CNKSR3: variants seen among roughly 807,000 people sequenced by gnomAD.
CNKSR3 encodes connector enhancer of kinase suppressor of ras 3.
Under a neutral mutation model 67.7 loss-of-function variants are expected in CNKSR3, and 36 were observed. The observed-to-expected ratio is 0.53, with a 90% CI of 0.41 to 0.70. CNKSR3 has a LOEUF of 0.70. CNKSR3 is among the 30% of genes least tolerant of loss of function. The pLI is 0.00. For synonymous variants in CNKSR3, 281 were observed against 271.4 expected (o/e 1.04, Z -0.35); for missense variants, 630 against 695.2 (o/e 0.91, Z 1.05).
At chr6:154,502,358 A>T (rs995733389) in intron 1 of CNKSR3, among the ~76,000 whole-genome samples, 150 of 141,324 alleles carry the variant, frequency 1.1e-3, no homozygotes, top group Non-Finnish European at 1.1e-3. Context: ...TGCCCAGCTA[A>T]TTTTTTTTTT....
intron 1 of CNKSR3, among the ~76,000 whole-genome samples, chr6:154,478,172 G>A (rs79745173): frequency 0.024 from 3,603 of 152,250 alleles, 130 homozygotes; most frequent in African/African-American, 0.082. Flanking sequence ...AAGCTGGCCC[G>A]AGGCCTGCTG....
rs1784579598 is a variant in CNKSR3, at chr6:154,389,076, T to C, written c.*17278A>G. 1 of 149,256 alleles carries C rather than the reference T, an allele frequency of 6.7e-6. No individual in the cohort carries two copies. The highest frequency in any genetic ancestry group is 1.5e-5 in the Non-Finnish European group (1 of 67,352). 9.2% of individuals were successfully genotyped at this position (149,256 alleles called of 1,614,324 possible). ...TCACTCTGTTGATTGTTGCCTTTGC[T>C]GTGAGAAGCTTTGTGATTTGATGTA... is the stretch of plus-strand genomic sequence containing the variant. On this transcript the variant is annotated 3_prime_UTR_variant, in exon 13 of 13. Transcript: ENST00000607772.
At chr6:154,503,449 G>C (rs1343430855) in intron 1 of CNKSR3, among the ~76,000 whole-genome samples, 1 of 151,972 alleles carries the variant, frequency 6.6e-6, no homozygotes, top group African/African-American at 2.4e-5. Flanking sequence ...AATACCACAA[G>C]ACCCATCTCT....
At chr6:154,450,322 T>TG in intron 1 of CNKSR3, 64 bp from the exon 2 acceptor site, 2 of 1,488,060 alleles carry the variant, frequency 1.3e-6, no homozygotes, top group African/African-American at 2.8e-5. Flanking sequence ...CCCTGCAAAC[T>TG]GCCCACATGT....
chr6:154,492,822 A>T (rs1225642832), intron 1 of CNKSR3, among the ~76,000 whole-genome samples: 1 of 151,738 alleles, frequency 6.6e-6, no homozygotes. Flanking sequence ...CTCTCAGGAG[A>T]TGACAACTCT....
chr6:154,500,283 A>T (rs1786970922), intron 1 of CNKSR3, among the ~76,000 whole-genome samples: 1 of 151,808 alleles, frequency 6.6e-6, no homozygotes, highest in African/African-American at 2.4e-5. Flanking sequence ...ACACACACAC[A>T]CACACATCCA....
intron 1 of CNKSR3, among the ~76,000 whole-genome samples, chr6:154,455,816 G>C (rs1262570280): frequency 6.6e-6 from 1 of 152,120 alleles, no homozygotes; most frequent in Admixed American, 6.5e-5. Flanking sequence ...CAAGATTAAA[G>C]GAGGTCATTT....
intron 7 of CNKSR3, among the ~76,000 whole-genome samples, chr6:154,426,523 T>C (rs1035592763): frequency 1.9e-4 from 29 of 151,904 alleles, no homozygotes; most frequent in African/African-American, 6.8e-4. Context: ...GCCCAGTTAA[T>C]ATTTTGTATT....
intron 1 of CNKSR3, among the ~76,000 whole-genome samples, chr6:154,480,459 G>A (rs750524200): frequency 3.9e-5 from 6 of 152,196 alleles, no homozygotes; most frequent in Non-Finnish European, 5.9e-5. Flanking sequence ...GACTTCCGCA[G>A]GCAGGCAGGT....
chr6:154,444,274 G>A (rs191141249), intron 2 of CNKSR3, among the ~76,000 whole-genome samples: 346 of 152,272 alleles, frequency 2.3e-3, no homozygotes, highest in Non-Finnish European at 3.6e-3. Context: ...AAAACAGCCC[G>A]TGAAGGTAGA....
At chr6:154,499,145 C>G (rs2153072) in intron 1 of CNKSR3, among the ~76,000 whole-genome samples, 63,025 of 152,072 alleles carry the variant, frequency 0.41, 13,597 homozygotes, top group African/African-American at 0.55. Context: ...ACTCTTCCCT[C>G]CCTATTCTGC....
Position 154,403,733 on chromosome 6 carries a change from A to G in CNKSR3, c.*2621T>C, listed in dbSNP as rs1784741021. The G allele has an allele frequency of 6.6e-6, 1 of 152,118 alleles. No homozygotes were observed. The highest frequency in any genetic ancestry group is 2.1e-4 in the South Asian group (1 of 4,826). 9.4% of individuals were successfully genotyped at this position (152,118 alleles called of 1,614,324 possible). ...AGGAACTTCTCTCGCGGGTCCTGGG[A>G]CTCCAGGGAACAAAGGCTGAAAAGC... On this transcript the variant is annotated 3_prime_UTR_variant, in exon 13 of 13. Transcript: ENST00000607772.
chr6:154,448,632 C>G (rs1424016003), intron 2 of CNKSR3, among the ~76,000 whole-genome samples: 1 of 152,028 alleles, frequency 6.6e-6, no homozygotes, highest in Non-Finnish European at 1.5e-5. Flanking sequence ...AATGCAAATT[C>G]CTGCTTCCCA....
chr6:154,424,579 G>A (rs769587825), intron 7 of CNKSR3, among the ~76,000 whole-genome samples: 37 of 152,154 alleles, frequency 2.4e-4, no homozygotes, highest in Admixed American at 7.2e-4. Flanking sequence ...GTTGTGACAG[G>A]CTCAACGGGA....
chr6:154,463,678 G>A (rs1204236119), intron 1 of CNKSR3, among the ~76,000 whole-genome samples: 3 of 152,124 alleles, frequency 2.0e-5, no homozygotes, highest in Non-Finnish European at 4.4e-5. Flanking sequence ...ATCCTATGCT[G>A]CTTGATATGA....
chr6:154,469,214 C>A (rs1054639500), intron 1 of CNKSR3, among the ~76,000 whole-genome samples: 6 of 152,094 alleles, frequency 3.9e-5, no homozygotes, highest in Non-Finnish European at 7.3e-5. Flanking sequence ...TCATCTTCAA[C>A]CCCATTTTGC....
rs1785953284 is a variant in CNKSR3, at chr6:154,456,329, T to TG, written c.53-6072_53-6071insC. ...GTTTTTGTTTTGTTTTGTTTTGTTT[T>TG]TTTAATGATTAAATTCAGAAATCAG... On this transcript the variant is annotated intron_variant, in intron 1 of 12. Coordinates refer to ENST00000607772, the MANE Select transcript of CNKSR3 (RefSeq NM_173515.4). Among the ~76,000 whole-genome samples the TG allele has an allele frequency of 4.6e-5, 7 of 152,144 alleles. 1 individual carries two copies. Among genetic ancestry groups the TG allele is most frequent in the African/African-American group, 1.7e-4 (7 of 41,516 alleles).
At position 154,400,306 on chromosome 6, in the gene CNKSR3, G is replaced by T. The variant is rs1252501978; in HGVS notation, c.*6048C>A. 1 of 152,202 alleles carries T rather than the reference G, an allele frequency of 6.6e-6. No individual in the cohort carries two copies. The highest frequency in any genetic ancestry group is 2.1e-4 in the South Asian group (1 of 4,830). The allele number at this position is 152,202 out of a possible 1,614,324, so 9.4% of individuals were successfully genotyped here. On this transcript the variant is annotated 3_prime_UTR_variant, in exon 13 of 13. Coordinates refer to ENST00000607772, the MANE Select transcript of CNKSR3 (RefSeq NM_173515.4). Reference sequence around the variant, plus strand: ...CGACTTTCCTTAGGTGTAGCCTCACGTTTTAATCCCTGAGGTATGTTGTAA... The same window carrying T: ...CGACTTTCCTTAGGTGTAGCCTCACTTTTTAATCCCTGAGGTATGTTGTAA...
At chr6:154,447,539 G>T (rs1785733028) in intron 2 of CNKSR3, among the ~76,000 whole-genome samples, 1 of 152,172 alleles carries the variant, frequency 6.6e-6, no homozygotes, top group Admixed American at 6.5e-5. Context: ...GTTCACAAAA[G>T]ATGGTTTCTC....
Sources: allele counts gnomAD v4.1 joint callset (sites outside exome capture counted in the v4.1 genomes callset), GRCh38; gene constraint gnomAD v4.1.1; transcripts MANE v1.5; gene names NCBI Gene and HGNC (gene_info 2026-07-23, HGNC 2026-07-21).